Variants in UNC13A observed in about 807,000 individuals in gnomAD.
UNC13A encodes protein unc-13 homolog A.
Under a neutral mutation model 219.7 loss-of-function variants are expected in UNC13A, and 61 were observed. The ratio of observed to expected loss-of-function variants is 0.28; its 90% CI spans 0.23 to 0.34. The LOEUF (loss-of-function observed/expected upper bound fraction) is 0.34, where lower values mean the gene tolerates loss of function less well. UNC13A is among the 10% of genes least tolerant of loss of function. The probability of loss-of-function intolerance (pLI) is 1.00; values close to 1 mark genes in which losing one functional copy is unlikely to be tolerated. For missense variants in UNC13A, 1,476 were observed against 2,270.3 expected (o/e 0.65, Z 7.11); for synonymous variants, 920 against 884.6 (o/e 1.04, Z -0.71).
intron 11 of UNC13A, among the ~76,000 whole-genome samples, chr19:17,653,539 G>C (rs902166193): frequency 3.3e-5 from 5 of 151,948 alleles, no homozygotes; most frequent in Non-Finnish European, 5.9e-5. Context: ...AGTAGAGGTG[G>C]GGTTTCACTA....
At chr19:17,667,511 T>C in intron 6 of UNC13A, among the ~76,000 whole-genome samples, 1 of 152,070 alleles carries the variant, frequency 6.6e-6, no homozygotes, top group Admixed American at 6.6e-5. Flanking sequence ...CCTTGCTCTG[T>C]TGCCCAGGCT....
At position 17,672,441 on chromosome 19, in the gene UNC13A, G is replaced by A. The variant is rs1479626274; in HGVS notation, c.207C>T (p.Leu69=). Residue 69 remains leucine (L), a synonymous_variant, in exon 4 of 44, where the codon CTC becomes CTT. Transcript: ENST00000519716. The part of the protein sequence containing the change: ...GLTVEVWNKG[L]IWDTMVGTVW... ...CAGTGCCCACCATTGTGTCCCAGAT[G>A]AGACCCTTATTCCACACCTCCACCG... is the stretch of plus-strand genomic sequence containing the variant. 1.9e-6 allele frequency: 3 copies of A among 1,613,782 alleles called. No individual in the cohort carries two copies. Among genetic ancestry groups the A allele is most frequent in the African/African-American group, 1.3e-5 (1 of 74,904 alleles).
chr19:17,607,466 G>GT (rs1366970602), intron 43 of UNC13A, among the ~76,000 whole-genome samples: 1 of 137,568 alleles, frequency 7.3e-6, no homozygotes, highest in Non-Finnish European at 1.6e-5. Flanking sequence ...GTGGCGGGGG[G>GT]GGGGGTCTCA....
chr19:17,618,795 C>G (rs183181660), intron 39 of UNC13A, 111 bp downstream of exon 39: 44 of 1,037,632 alleles, frequency 4.2e-5, no homozygotes, highest in Admixed American at 5.3e-5. Context: ...TCCTTTGAGC[C>G]TGTAATGCAT....
chr19:17,675,608 G>C (rs1416383778), intron 2 of UNC13A, among the ~76,000 whole-genome samples: 4 of 147,326 alleles, frequency 2.7e-5, no homozygotes, highest in East Asian at 3.9e-4. Flanking sequence ...TCCAGCCTGG[G>C]CAACAGAAGG....
chr19:17,679,408 T>TATAATAATAATAATAATAATA (rs548278832), intron 1 of UNC13A, among the ~76,000 whole-genome samples: 7 of 149,316 alleles, frequency 4.7e-5, no homozygotes, highest in African/African-American at 1.7e-4. Context: ...TCAAAAAATA[T>TATAATAATAATAATAATAATA]ATAATAATAA....
intron 7 of UNC13A, among the ~76,000 whole-genome samples, chr19:17,665,153 T>TAGTA (rs1213022595): frequency 4.0e-5 from 6 of 149,508 alleles, no homozygotes; most frequent in African/African-American, 1.5e-4. Context: ...TGAGCCAAGA[T>TAGTA]AGTACTATTG....
intron 3 of UNC13A, among the ~76,000 whole-genome samples, chr19:17,673,681 A>G (rs1343528931): frequency 1.3e-5 from 2 of 151,564 alleles, no homozygotes; most frequent in Non-Finnish European, 2.9e-5. Flanking sequence ...CCACAGAGTG[A>G]GGCTCTGTCT....
chr19:17,610,809 G>C (rs1353921702), intron 42 of UNC13A, among the ~76,000 whole-genome samples: 1 of 151,784 alleles, frequency 6.6e-6, no homozygotes, highest in Non-Finnish European at 1.5e-5. Flanking sequence ...TGGGAGGACT[G>C]CTTGAGGCCA....
At position 17,672,513 on chromosome 19, in the gene UNC13A, G is replaced by A. The variant is rs772693522; in HGVS notation, c.153-18C>T. ...TAATCTCGCTGCAGAAAAAGGAGAG[G>A]GGGCGTCGAGGGAGCAGGAGGGAGG... is the stretch of plus-strand genomic sequence containing the variant. On this transcript the variant is annotated intron_variant, in intron 3 of 43. Transcript: ENST00000519716. The A allele has an allele frequency of 1.2e-6, 2 of 1,606,956 alleles. No individual in the cohort carries two copies. The highest frequency in any genetic ancestry group is 1.7e-6 in the Non-Finnish European group (2 of 1,174,824).
chr19:17,674,597 G>A lies in UNC13A; in HGVS notation c.152+60C>T. ...CCCAGTGTCCAGCTCTGCCCTGAGG[G>A]GCCAGCGAGGTGCTGGGCTATGCCA... is the stretch of plus-strand genomic sequence containing the variant. On this transcript the variant is annotated intron_variant, in intron 3 of 43. Coordinates refer to ENST00000519716, the MANE Select transcript of UNC13A (RefSeq NM_001080421.3). The surrounding 1 kb of genome is among the most constrained non-coding windows in gnomAD (Gnocchi z 5.0). The A allele has an allele frequency of 6.7e-7, 1 of 1,498,124 alleles. No individual in the cohort carries two copies. The highest frequency in any genetic ancestry group is 9.3e-7 in the Non-Finnish European group (1 of 1,079,768). 92.8% of individuals were successfully genotyped at this position (1,498,124 alleles called of 1,614,324 possible). A position where few individuals can be genotyped will look rare whatever the true frequency, so the allele number is the denominator to read the frequency against.
At chr19:17,637,112 G>A (rs2076920039) in intron 25 of UNC13A, among the ~76,000 whole-genome samples, 1 of 151,784 alleles carries the variant, frequency 6.6e-6, no homozygotes, top group Admixed American at 6.6e-5. Context: ...AAGTAGCCAG[G>A]ACTACAGGTG....
intron 41 of UNC13A, chr19:17,616,565 G>C (rs578258314): frequency 3.9e-5 from 22 of 562,850 alleles, no homozygotes; most frequent in East Asian, 2.6e-4. Context: ...GTGTGTGGAG[G>C]GGGCAGGGGA....
intron 42 of UNC13A, among the ~76,000 whole-genome samples, chr19:17,611,155 C>G (rs1359751425): frequency 2.0e-5 from 3 of 152,206 alleles, no homozygotes; most frequent in Non-Finnish European, 4.4e-5. Flanking sequence ...GCTACTTAAA[C>G]TGTTATCCCA....
intron 19 of UNC13A, among the ~76,000 whole-genome samples, chr19:17,645,172 C>T (rs59981190): frequency 0.02 from 3,041 of 151,830 alleles, 102 homozygotes; most frequent in African/African-American, 0.069. Flanking sequence ...CCACGCCTGG[C>T]TAATTTTTGT....
intron 12 of UNC13A, among the ~76,000 whole-genome samples, chr19:17,652,392 A>C (rs1254910344): frequency 2.0e-5 from 3 of 152,116 alleles, no homozygotes; most frequent in African/African-American, 4.8e-5. Flanking sequence ...TCGGCCTCCC[A>C]AAGTGCTAGG....
intron 1 of UNC13A, among the ~76,000 whole-genome samples, chr19:17,687,308 C>G (rs1002801499): frequency 6.6e-6 from 1 of 152,126 alleles, no homozygotes; most frequent in African/African-American, 2.4e-5. Flanking sequence ...AGCTCCCCCC[C>G]CACCTCACGT....
At chr19:17,673,452 G>A (rs2079832672) in intron 3 of UNC13A, among the ~76,000 whole-genome samples, 1 of 152,024 alleles carries the variant, frequency 6.6e-6, no homozygotes, top group Admixed American at 6.6e-5. Context: ...CAGCACTTTG[G>A]GAGGCCGAGG....
chr19:17,641,929 A>G (rs866275300), intron 20 of UNC13A, among the ~76,000 whole-genome samples: 4 of 151,924 alleles, frequency 2.6e-5, no homozygotes, highest in Non-Finnish European at 2.9e-5. Context: ...ATCCATCTAA[A>G]TATTCAGAAA....
Sources: gnomAD v4.1 joint callset for allele counts (sites outside exome capture counted in the v4.1 genomes callset) on GRCh38, gnomAD v4.1.1 for gene constraint, Gnocchi (gnomAD v3.1) non-coding constraint, MANE v1.5 for transcripts, NCBI Gene and HGNC (gene_info 2026-07-23, HGNC 2026-07-21) for gene names.